SPTA1: variants seen among roughly 807,000 people sequenced by gnomAD.
SPTA1 encodes spectrin alpha chain, erythrocytic 1.
A neutral mutation model predicts 324.7 loss-of-function variants in SPTA1; 177 were observed. The ratio of observed to expected loss-of-function variants is 0.55; its 90% CI spans 0.48 to 0.62. The LOEUF (loss-of-function observed/expected upper bound fraction) is 0.62. SPTA1 is among the 20% of genes least tolerant of loss of function. The probability of loss-of-function intolerance (pLI) is 0.00; values close to 1 mark genes in which losing one functional copy is unlikely to be tolerated. For missense variants in SPTA1, 3,162 were observed against 2,883.6 expected (o/e 1.10, Z -2.21); for synonymous variants, 1,195 against 1,041.3 (o/e 1.15, Z -2.84).
chr1:158,668,729 T>C (rs1033819162), intron 14 of SPTA1, among the ~76,000 whole-genome samples: 13 of 152,174 alleles, frequency 8.5e-5, no homozygotes, highest in African/African-American at 3.1e-4. Context: ...AATATATGTG[T>C]TAGTACAACC....
intron 39 of SPTA1, among the ~76,000 whole-genome samples, chr1:158,630,829 C>A (rs1170858197): frequency 1.3e-5 from 2 of 151,804 alleles, no homozygotes; most frequent in Non-Finnish European, 2.9e-5. Flanking sequence ...AAGTAAAAAA[C>A]CCCTAATAAC....
chr1:158,616,961 A>C (rs888293728), intron 47 of SPTA1, among the ~76,000 whole-genome samples: 2 of 152,118 alleles, frequency 1.3e-5, no homozygotes, highest in African/African-American at 4.8e-5. Flanking sequence ...ACTACCTGAC[A>C]TCGTATTCTC....
At chr1:158,649,150 G>A (rs550358857) in intron 25 of SPTA1, among the ~76,000 whole-genome samples, 1 of 152,262 alleles carries the variant, frequency 6.6e-6, no homozygotes, top group South Asian at 2.1e-4. Context: ...GTGTTTCTTA[G>A]TTTGAAAATC....
At chr1:158,672,273 T>C in intron 10 of SPTA1, 77 bp from the exon 11 acceptor site, 4 of 1,459,152 alleles carry the variant, frequency 2.7e-6, no homozygotes, top group East Asian at 2.5e-5. Context: ...ATATAATAAA[T>C]GCAAAGCCAT....
rs771156719 is a variant in SPTA1 at position 158,676,124 on chromosome 1, G to C, written c.1112+17C>G. The C allele has an allele frequency of 6.2e-6, 10 of 1,613,160 alleles. No individual in the cohort carries two copies. The Admixed American group carries it at 1.7e-4, about 27-fold the overall frequency. On this transcript the variant is annotated intron_variant, in intron 8 of 51. Coordinates refer to ENST00000643759, the MANE Select transcript of SPTA1 (RefSeq NM_003126.4). ...CTGTAGAGATAGGTAGAGCAATAAA[G>C]GGGAGGGATTTCCCACCAATAAGTA...
At chr1:158,628,119 T>C (rs1160259068) in intron 39 of SPTA1, among the ~76,000 whole-genome samples, 1 of 152,112 alleles carries the variant, frequency 6.6e-6, no homozygotes, top group Admixed American at 6.6e-5. Context: ...TAAGCCCTGA[T>C]CCTAAAGAGA....
In SPTA1 at chr1:158,669,411, G is replaced by A; in HGVS notation, c.1830C>T (p.Tyr610=). The change falls in exon 14 of 52, where the codon TAC becomes TAT. Residue 610 remains tyrosine (Y), a synonymous_variant. Coordinates refer to ENST00000643759, the MANE Select transcript of SPTA1 (RefSeq NM_003126.4). ...AGCTCCTGAAAACTCTGCCTACCTT[G>A]TAATCTTCATCATCTGCCAACTTTT... is the stretch of plus-strand genomic sequence containing the variant. The part of the protein sequence containing the change: ...KKKKLADDED[Y]KDIQNLKSRV... 6.2e-7 allele frequency: 1 copy of A among 1,614,064 alleles called. No individual in the cohort carries two copies. Among genetic ancestry groups the A allele is most frequent in the Non-Finnish European group, 8.5e-7 (1 of 1,179,952 alleles).
chr1:158,615,209 T>C lies in SPTA1; in HGVS notation c.6788+7A>G. The C allele has an allele frequency of 6.2e-6, 10 of 1,612,916 alleles. No homozygotes were observed. Among genetic ancestry groups the C allele is most frequent in the Non-Finnish European group, 7.6e-6 (9 of 1,179,998 alleles). On this transcript the variant is annotated splice_region_variant and intron_variant, in intron 48 of 51. Coordinates refer to ENST00000643759, the MANE Select transcript of SPTA1 (RefSeq NM_003126.4). ...CCCTCCCTGCTCTGGCCACACGCCC[T>C]CAATACTTGGCCTGGATCTGTTGCT...
intron 1 of SPTA1, among the ~76,000 whole-genome samples, chr1:158,685,911 C>T (rs1053127006): frequency 7.2e-5 from 11 of 152,078 alleles, no homozygotes; most frequent in African/African-American, 2.7e-4. Flanking sequence ...ATCTTCTGCC[C>T]AATTGTCACA....
At chr1:158,684,496 TA>T (rs1655032682) in intron 2 of SPTA1, among the ~76,000 whole-genome samples, 1 of 152,148 alleles carries the variant, frequency 6.6e-6, no homozygotes, top group South Asian at 2.1e-4. Flanking sequence ...ATGAGTATTG[TA>T]ACCATCAAAT....
chr1:158,662,675 G>A, intron 17 of SPTA1, 27 bp downstream of exon 17: 1 of 1,613,110 alleles, frequency 6.2e-7, no homozygotes, highest in South Asian at 1.1e-5. Context: ...CTTTCCTAGT[G>A]GCTCAGCCTG....
At chr1:158,657,745 A>G (rs1557967327) in intron 18 of SPTA1, 51 bp from the exon 19 acceptor site, 1 of 1,557,834 alleles carries the variant, frequency 6.4e-7, no homozygotes, top group Non-Finnish European at 8.9e-7. Context: ...AGTGTTTACC[A>G]TACTCTAATC....
rs533406287 is a variant in SPTA1, at chr1:158,650,392, T to A, written c.3478-445A>T. Among the ~76,000 whole-genome samples the A allele has an allele frequency of 5.3e-5, 8 of 152,298 alleles. No homozygotes were observed. In the South Asian group the frequency reaches 1.7e-3, roughly 32 times the overall value. ...CGCTTCGTATTTCTTCACCTTCTTA[T>A]CCCATAACAACCACTATAAAAACAG... On this transcript the variant is annotated intron_variant, in intron 24 of 51. Transcript: ENST00000643759.
Position 158,634,478 on chromosome 1 carries a change from C to T in SPTA1, c.5565+65G>A, listed in dbSNP as rs376932696. ...TGTCCTAATATTACAGGTAAAAACA[C>T]TGACTACCCAAGAAAATAACCAAAT... On this transcript the variant is annotated intron_variant, in intron 39 of 51. Transcript: ENST00000643759. 3 of 1,603,482 alleles carry T rather than the reference C, an allele frequency of 1.9e-6. No individual in the cohort carries two copies. In the African/African-American group the frequency reaches 4.0e-5, roughly 21 times the overall value.
chr1:158,669,461 G>A lies in SPTA1; in HGVS notation c.1780C>T (p.Leu594=). 6.8e-6 allele frequency: 11 copies of A among 1,614,142 alleles called. No homozygotes were observed. Among genetic ancestry groups the A allele is most frequent in the Non-Finnish European group, 9.3e-6 (11 of 1,180,018 alleles). Residue 594 remains leucine (L), a synonymous_variant, in exon 14 of 52, where the codon CTA becomes TTA. Coordinates refer to ENST00000643759, the MANE Select transcript of SPTA1 (RefSeq NM_003126.4). ...TTCTTCTTGTTGATCCAGTTCTTTA[G>A]GTCATCTGAGTCCTCATACAGTTTT... ...LQKLYEDSDD[L]KNWINKKKKL...
At chr1:158,669,636 G>C in intron 13 of SPTA1, 73 bp from the exon 14 acceptor site, 1 of 1,613,962 alleles carries the variant, frequency 6.2e-7, no homozygotes, top group Middle Eastern at 1.7e-4. Context: ...GACCACCCTG[G>C]TCACCATGCC....
In SPTA1 at chr1:158,648,551, C is replaced by T; in HGVS notation, c.3672G>A (p.Arg1224=). The T allele has an allele frequency of 1.2e-6, 2 of 1,613,980 alleles. No individual in the cohort carries two copies. The highest frequency in any genetic ancestry group is 1.7e-6 in the Non-Finnish European group (2 of 1,179,978). ...CGAGGTCCCTTTCAAAGCCCTCATG[C>T]CGTCGCTGAAGAGCCTGAACACTGA... The part of the protein sequence containing the change: ...DLFSVQALQR[R]HEGFERDLVP... The change falls in exon 26 of 52, where the codon CGG becomes CGA. Residue 1224 remains arginine, a synonymous_variant. Coordinates refer to ENST00000643759, the MANE Select transcript of SPTA1 (RefSeq NM_003126.4).
chr1:158,630,819 A>G (rs139457868), intron 39 of SPTA1, among the ~76,000 whole-genome samples: 4 of 152,124 alleles, frequency 2.6e-5, no homozygotes, highest in African/African-American at 7.2e-5. Flanking sequence ...ATAAAAATAA[A>G]AGTAAAAAAC....
At chr1:158,641,602 A>G (rs1211481656) in intron 33 of SPTA1, among the ~76,000 whole-genome samples, 1 of 152,212 alleles carries the variant, frequency 6.6e-6, no homozygotes, top group Non-Finnish European at 1.5e-5. Context: ...AATCAAAACC[A>G]CAATGAGATA....
Sources: gnomAD v4.1 joint callset for allele counts (sites outside exome capture counted in the v4.1 genomes callset) on GRCh38, gnomAD v4.1.1 for gene constraint, MANE v1.5 for transcripts, NCBI Gene and HGNC (gene_info 2026-07-23, HGNC 2026-07-21) for gene names.